PEX3: variants seen among roughly 807,000 people sequenced by gnomAD.
The protein encoded by PEX3 is peroxisomal biogenesis factor 3.
Under a neutral mutation model 55.8 loss-of-function variants are expected in PEX3, and 30 were observed. The observed-to-expected ratio is 0.54, with a 90% confidence interval of 0.40 to 0.73. The LOEUF (loss-of-function observed/expected upper bound fraction) is 0.73. Ranked by LOEUF, PEX3 falls within the 30% of genes least tolerant of loss-of-function variation. The pLI is 0.00. For synonymous variants in PEX3, 135 were observed against 148.4 expected (o/e 0.91, Z 0.66); for missense variants, 351 against 432.8 (o/e 0.81, Z 1.68).
At chr6:143,468,072 A>G (rs776193586) in intron 3 of PEX3, 50 bp from the exon 4 acceptor site, 2 of 975,772 alleles carry the variant, frequency 2.0e-6, no homozygotes, top group Non-Finnish European at 3.2e-6. Flanking sequence ...AGAGTTTTCT[A>G]TTAGATTATC....
rs886061131 is a variant in PEX3 at position 143,450,891 on chromosome 6, G to GTC, written c.-148_-147dup. On this transcript the variant is annotated 5_prime_UTR_variant, in exon 1 of 12. Transcript: ENST00000367591. ...ACGCCCCCTTGCCGCTCCGGTGACA[G>GTC]TCTCTGCGGAAAGTCACGTTTGTGA... The GTC allele has an allele frequency of 4.9e-6, 4 of 811,414 alleles. No individual in the cohort carries two copies. The highest frequency in any genetic ancestry group is 8.8e-6 in the Non-Finnish European group (4 of 456,334). 50.3% of individuals were successfully genotyped at this position (811,414 alleles called of 1,614,324 possible).
At chr6:143,457,512 A>G (rs1455107497) in intron 1 of PEX3, among the ~76,000 whole-genome samples, 1 of 152,214 alleles carries the variant, frequency 6.6e-6, no homozygotes, top group South Asian at 2.1e-4. Flanking sequence ...ATTAGTGAAA[A>G]TAATTCAGGA....
At position 143,465,606 on chromosome 6, in the gene PEX3, T is replaced by C. The variant is rs965444267; in HGVS notation, c.288-2516T>C. Among the ~76,000 whole-genome samples the C allele has an allele frequency of 4.6e-5, 7 of 152,040 alleles. No homozygotes were observed. The highest frequency in any genetic ancestry group is 1.4e-4 in the African/African-American group (6 of 41,424). On this transcript the variant is annotated intron_variant, in intron 3 of 11. Coordinates refer to ENST00000367591, the MANE Select transcript of PEX3 (RefSeq NM_003630.3). This position sits in a 1 kb window ranked among gnomAD's most constrained non-coding sequence, Gnocchi z 4.7. ...ACTTAGAAATTTTTCTGAGGGAGCA[T>C]TCAAAAAGAGATATGAGTCACTTAG...
At chr6:143,461,888 C>G (rs142177383) in intron 2 of PEX3, among the ~76,000 whole-genome samples, 2 of 152,088 alleles carry the variant, frequency 1.3e-5, no homozygotes, top group African/African-American at 2.4e-5. Flanking sequence ...GTCAAGGCTG[C>G]AGTGAGCCGT....
Position 143,462,884 on chromosome 6 carries a change from G to A in PEX3, c.206-32G>A. ...TAGTGAGGGCAGTCATATCACTTGTGACCTTTTTTATTTTTTTTGTTTGTA... is the reference window on the plus strand; with the variant it reads ...TAGTGAGGGCAGTCATATCACTTGTAACCTTTTTTATTTTTTTTGTTTGTA... On this transcript the variant is annotated intron_variant, in intron 2 of 11. Transcript: ENST00000367591. This position sits in a 1 kb window ranked among gnomAD's most constrained non-coding sequence, Gnocchi z 4.1. 1 of 1,483,204 alleles carries A rather than the reference G, an allele frequency of 6.7e-7. No homozygotes were observed. The highest frequency in any genetic ancestry group is 9.1e-7 in the Non-Finnish European group (1 of 1,093,930). 91.9% of individuals were successfully genotyped at this position (1,483,204 alleles called of 1,614,324 possible).
chr6:143,461,958 G>A (rs1012775837), intron 2 of PEX3, among the ~76,000 whole-genome samples: 2 of 152,022 alleles, frequency 1.3e-5, no homozygotes, highest in Admixed American at 6.6e-5. Context: ...AAAAAGAAAA[G>A]GAATGTGGTG....
chr6:143,468,116 C>A lies in PEX3; in HGVS notation c.288-6C>A, dbSNP rs973425116. ...TATTTTCATATTTTTAAATTTTGTTCTTTAGGCCTTCAAACAAGCTAGAAA... is the reference window on the plus strand; with the variant it reads ...TATTTTCATATTTTTAAATTTTGTTATTTAGGCCTTCAAACAAGCTAGAAA... On this transcript the variant is annotated splice_region_variant and splice_polypyrimidine_tract_variant and intron_variant, in intron 3 of 11. Transcript: ENST00000367591. 5 of 1,508,726 alleles carry A rather than the reference C, an allele frequency of 3.3e-6. No individual in the cohort carries two copies. The highest frequency in any genetic ancestry group is 4.6e-6 in the Non-Finnish European group (5 of 1,087,244). 93.5% of individuals were successfully genotyped at this position (1,508,726 alleles called of 1,614,324 possible).
In PEX3 at chr6:143,462,771, A is replaced by G. The variant is rs1437716917; in HGVS notation, c.206-145A>G. 1.6e-6 allele frequency: 1 copy of G among 632,346 alleles called. No homozygotes were observed. Among genetic ancestry groups the G allele is most frequent in the Non-Finnish European group, 2.9e-6 (1 of 349,258 alleles). The allele number at this position is 632,346 out of a possible 1,614,324, so 39.2% of individuals were successfully genotyped here. On this transcript the variant is annotated intron_variant, in intron 2 of 11. Transcript: ENST00000367591. This position sits in a 1 kb window ranked among gnomAD's most constrained non-coding sequence, Gnocchi z 4.1. ...ATATAATCGTTTTATAATAATAATA[A>G]TAATTTGAATCGTCTAGCCCTGACT...
Position 143,470,274 on chromosome 6 carries a change from A to G in PEX3, c.332-687A>G, listed in dbSNP as rs572337671. Among the ~76,000 whole-genome samples the G allele has an allele frequency of 5.9e-5, 9 of 152,160 alleles. No individual in the cohort carries two copies. The South Asian group carries it at 1.9e-3, about 32-fold the overall frequency. On this transcript the variant is annotated intron_variant, in intron 4 of 11. Coordinates refer to ENST00000367591, the MANE Select transcript of PEX3 (RefSeq NM_003630.3). ...ATGCTTTCTTATAATCCTTATGACC[A>G]AGATTTCTACATTCCCTTTCTTCTC...
At position 143,470,988 on chromosome 6, in the gene PEX3, A is replaced by G. The variant is rs1780065671; in HGVS notation, c.359A>G (p.Tyr120Cys). Residue 120 changes from tyrosine (Y) to cysteine (C), a missense_variant, in exon 5 of 12, where the codon TAC (tyrosine) becomes TGC (cysteine). By Grantham distance (194) the Tyr-to-Cys change is radical. Coordinates refer to ENST00000367591, the MANE Select transcript of PEX3 (RefSeq NM_003630.3). ...ISFTRSTVAV[Y>C]STCMLVVLLR... is the part of the protein sequence containing the mutation. The stretch of plus-strand genomic sequence containing the variant: ...TTCACAAGAAGTACTGTGGCTGTAT[A>G]CAGTACCTGTATGCTGGTTGTTCTT... 2 of 1,613,014 alleles carry G rather than the reference A, an allele frequency of 1.2e-6. No individual in the cohort carries two copies. Among genetic ancestry groups the G allele is most frequent in the South Asian group, 1.1e-5 (1 of 91,066 alleles).
chr6:143,465,553 T>G lies in PEX3; in HGVS notation c.287+2556T>G, dbSNP rs1562653011. Among the ~76,000 whole-genome samples, 1 of 152,016 alleles carries G rather than the reference T, an allele frequency of 6.6e-6. No homozygotes were observed. Among genetic ancestry groups the G allele is most frequent in the Non-Finnish European group, 1.5e-5 (1 of 67,900 alleles). On this transcript the variant is annotated intron_variant, in intron 3 of 11. Coordinates refer to ENST00000367591, the MANE Select transcript of PEX3 (RefSeq NM_003630.3). The surrounding 1 kb of genome is among the most constrained non-coding windows in gnomAD (Gnocchi z 4.7). ...TTTCGGAACCACTGTTTTCTTATCTTTTTTCTTTTAGAATTTTTATAAGAA... is the reference window on the plus strand; with the variant it reads ...TTTCGGAACCACTGTTTTCTTATCTGTTTTCTTTTAGAATTTTTATAAGAA...
In PEX3 at chr6:143,462,817, G is replaced by A; in HGVS notation, c.206-99G>A. 2.4e-6 allele frequency: 2 copies of A among 846,448 alleles called. No individual in the cohort carries two copies. Among genetic ancestry groups the A allele is most frequent in the South Asian group, 2.7e-5 (2 of 73,158 alleles). The allele number at this position is 846,448 out of a possible 1,614,324, so 52.4% of individuals were successfully genotyped here. ...TGACTTTCCCTTCTGACTCTTGCTA[G>A]TTGCTAGCCCTATCATATAGCCTAA... On this transcript the variant is annotated intron_variant, in intron 2 of 11. Transcript: ENST00000367591. This position sits in a 1 kb window ranked among gnomAD's most constrained non-coding sequence, Gnocchi z 4.1.
chr6:143,471,592 G>T lies in PEX3; in HGVS notation c.559G>T (p.Val187Leu). The change falls in exon 7 of 12, where the codon GTG becomes TTG. Residue 187 changes from valine to leucine, a missense_variant. Transcript: ENST00000367591. The surrounding 1 kb of genome is among the most constrained non-coding windows in gnomAD (Gnocchi z 5.4). ...TELITVIKQAVQKVLGSVSLK... is the reference protein window; with the variant it reads ...TELITVIKQALQKVLGSVSLK... ...ATTGATCACTGTCATTAAACAAGCTGTGCAGAAGGTTTTAGGAAGGTAAGG... is the reference window on the plus strand; with the variant it reads ...ATTGATCACTGTCATTAAACAAGCTTTGCAGAAGGTTTTAGGAAGGTAAGG... The T allele has an allele frequency of 1.2e-6, 2 of 1,612,450 alleles. 1 individual carries two copies. The highest frequency in any genetic ancestry group is 3.4e-4 in the Middle Eastern group (2 of 5,928).
rs1177983145 is a variant in PEX3, at chr6:143,470,980, G to A, written c.351G>A (p.Val117=). Residue 117 remains valine (V), a synonymous_variant, in exon 5 of 12, where the codon GTG becomes GTA. Transcript: ENST00000367591. ...GTGAAGGTTTCACAAGAAGTACTGTGGCTGTATACAGTACCTGTATGCTGG... is the reference window on the plus strand; with the variant it reads ...GTGAAGGTTTCACAAGAAGTACTGTAGCTGTATACAGTACCTGTATGCTGG... ...LKIISFTRST[V]AVYSTCMLVV... 4 of 1,611,084 alleles carry A rather than the reference G, an allele frequency of 2.5e-6. No individual in the cohort carries two copies. Among genetic ancestry groups the A allele is most frequent in the Non-Finnish European group, 3.4e-6 (4 of 1,177,586 alleles).
At chr6:143,468,620 C>T (rs984968310) in intron 4 of PEX3, among the ~76,000 whole-genome samples, 1 of 152,112 alleles carries the variant, frequency 6.6e-6, no homozygotes, top group Admixed American at 6.6e-5. Flanking sequence ...CAGAATGATG[C>T]TTAAGCCTTG....
rs1384215556 is a variant in PEX3 at position 143,489,787 on chromosome 6, C to T, written c.*561C>T. On this transcript the variant is annotated 3_prime_UTR_variant, in exon 12 of 12. Coordinates refer to ENST00000367591, the MANE Select transcript of PEX3 (RefSeq NM_003630.3). The surrounding 1 kb of genome is among the most constrained non-coding windows in gnomAD (Gnocchi z 5.5). ...TTATGGAAATAGTGAATTCCAACAACTATGATGAACTATGTTCTTTGCTAT... is the reference window on the plus strand; with the variant it reads ...TTATGGAAATAGTGAATTCCAACAATTATGATGAACTATGTTCTTTGCTAT... 6.6e-6 allele frequency: 1 copy of T among 151,972 alleles called. No individual in the cohort carries two copies. Among genetic ancestry groups the T allele is most frequent in the Non-Finnish European group, 1.5e-5 (1 of 67,942 alleles). 9.4% of individuals were successfully genotyped at this position (151,972 alleles called of 1,614,324 possible). A position where few individuals can be genotyped will look rare whatever the true frequency, so the allele number is the denominator to read the frequency against.
At chr6:143,473,101 A>ACAGAGAGGCCCCCTATGCCATACCTCAG (rs1176873785) in intron 8 of PEX3, among the ~76,000 whole-genome samples, 1 of 152,194 alleles carries the variant, frequency 6.6e-6, no homozygotes, top group Non-Finnish European at 1.5e-5. Context: ...AAGCCTTAGA[A>ACAGAGAGGCCCCCTATGCCATACCTCAG]CAGAGAGGCC....
rs1677525945 is a variant in PEX3 at position 143,464,325 on chromosome 6, T to C, written c.287+1328T>C. 6.6e-6 allele frequency among the ~76,000 whole-genome samples: 1 copy of C among 152,056 alleles called. No individual in the cohort carries two copies. The highest frequency in any genetic ancestry group is 2.4e-5 in the African/African-American group (1 of 41,454). On this transcript the variant is annotated intron_variant, in intron 3 of 11. Coordinates refer to ENST00000367591, the MANE Select transcript of PEX3 (RefSeq NM_003630.3). This position sits in a 1 kb window ranked among gnomAD's most constrained non-coding sequence, Gnocchi z 5.8. Reference sequence around the variant, plus strand: ...GCATTCTTCCTTCTTGGTGAATCTGTTTCCTGCAAGGCCCTATGTTCCATG... The same window carrying C: ...GCATTCTTCCTTCTTGGTGAATCTGCTTCCTGCAAGGCCCTATGTTCCATG...
In PEX3 at chr6:143,475,732, G is replaced by A. The variant is rs141859746; in HGVS notation, c.818+876G>A. ...TTTCTTCATTGGCAACTGCCTCCCAGGCAATGTTTTATACTCCCATTACTT... is the reference window on the plus strand; with the variant it reads ...TTTCTTCATTGGCAACTGCCTCCCAAGCAATGTTTTATACTCCCATTACTT... On this transcript the variant is annotated intron_variant, in intron 9 of 11. Coordinates refer to ENST00000367591, the MANE Select transcript of PEX3 (RefSeq NM_003630.3). The surrounding 1 kb of genome is among the most constrained non-coding windows in gnomAD (Gnocchi z 4.4). 7.2e-5 allele frequency among the ~76,000 whole-genome samples: 11 copies of A among 152,294 alleles called. No individual in the cohort carries two copies. The East Asian group carries it at 2.1e-3, about 29-fold the overall frequency.
Sources: gnomAD v4.1 joint callset for allele counts (sites outside exome capture counted in the v4.1 genomes callset) on GRCh38, gnomAD v4.1.1 for gene constraint, Gnocchi (gnomAD v3.1) non-coding constraint, MANE v1.5 for transcripts, NCBI Gene and HGNC (gene_info 2026-07-23, HGNC 2026-07-21) for gene names.